TENM4: variants seen among roughly 807,000 people sequenced by gnomAD.
TENM4 encodes the protein teneurin transmembrane protein 4.
A neutral mutation model predicts 243.3 loss-of-function variants in TENM4; 82 were observed. The observed-to-expected ratio is 0.34, with a 90% CI of 0.28 to 0.40. The LOEUF is 0.40. Ranked by LOEUF, TENM4 falls within the 10% of genes least tolerant of loss-of-function variation. The pLI, the probability that TENM4 is intolerant of heterozygous loss-of-function variation, is 1.00. For synonymous variants in TENM4, 1,412 were observed against 1,456.3 expected (o/e 0.97, Z 0.69); for missense variants, 3,138 against 3,673.3 (o/e 0.85, Z 3.77).
intron 6 of TENM4, among the ~76,000 whole-genome samples, chr11:78,982,314 C>G (rs182406276): frequency 9.4e-4 from 143 of 152,282 alleles, no homozygotes; most frequent in Non-Finnish European, 1.3e-3. Flanking sequence ...GCTTGGAGGC[C>G]TTGTCCCACA....
At chr11:78,996,600 G>A (rs1399290614) in intron 6 of TENM4, among the ~76,000 whole-genome samples, 1 of 152,158 alleles carries the variant, frequency 6.6e-6, no homozygotes, top group Non-Finnish European at 1.5e-5. Context: ...GGGATAGGAA[G>A]GTTTGCTCTC....
At chr11:79,416,877 C>A (rs1425801587) in intron 1 of TENM4, among the ~76,000 whole-genome samples, 11 of 145,454 alleles carry the variant, frequency 7.6e-5, no homozygotes, top group Non-Finnish European at 7.6e-5. Flanking sequence ...CAGACAATGG[C>A]AAAAAAAAAA....
intron 4 of TENM4, among the ~76,000 whole-genome samples, chr11:79,078,567 G>A (rs949115343): frequency 6.6e-6 from 1 of 152,166 alleles, no homozygotes; most frequent in African/African-American, 2.4e-5. Flanking sequence ...GAGTAGCAAA[G>A]TGATGCTCAA....
At chr11:78,667,833 T>A (rs751008434) in intron 32 of TENM4, among the ~76,000 whole-genome samples, 6 of 152,212 alleles carry the variant, frequency 3.9e-5, no homozygotes, top group Non-Finnish European at 5.9e-5. Context: ...CAAGGTGGGA[T>A]GTGCCCAATT....
At position 79,212,056 on chromosome 11, in the gene TENM4, C is replaced by T. The variant is rs553036182; in HGVS notation, c.-163+3752G>A. ...ATGTGGACATTTAGTGCCCCAGCACCGTTTCCTAAACAGACGACTCAGTCT... is the reference window on the plus strand; with the variant it reads ...ATGTGGACATTTAGTGCCCCAGCACTGTTTCCTAAACAGACGACTCAGTCT... On this transcript the variant is annotated intron_variant, in intron 3 of 33. Coordinates refer to ENST00000278550, the MANE Select transcript of TENM4 (RefSeq NM_001098816.3). 2.6e-5 allele frequency among the ~76,000 whole-genome samples: 4 copies of T among 152,274 alleles called. 1 individual carries two copies. The South Asian group carries it at 6.2e-4, about 24-fold the overall frequency.
At chr11:79,011,208 C>T (rs768822501) in intron 6 of TENM4, among the ~76,000 whole-genome samples, 8 of 152,272 alleles carry the variant, frequency 5.3e-5, no homozygotes, top group Middle Eastern at 3.4e-3. Flanking sequence ...CCCCACCCTC[C>T]CAAGAGGGTG....
intron 2 of TENM4, among the ~76,000 whole-genome samples, chr11:79,225,731 G>A (rs921944792): frequency 1.3e-5 from 2 of 152,032 alleles, no homozygotes; most frequent in African/African-American, 2.4e-5. Flanking sequence ...CACCTGTCTC[G>A]GCCTCCCTCC....
intron 3 of TENM4, among the ~76,000 whole-genome samples, chr11:79,189,410 C>T (rs867956742): frequency 3.9e-5 from 6 of 152,158 alleles, no homozygotes; most frequent in African/African-American, 1.2e-4. Flanking sequence ...GTCTGTTTCT[C>T]GAGTGAAGGA....
intron 6 of TENM4, among the ~76,000 whole-genome samples, chr11:78,949,924 A>C (rs1857078802): frequency 6.6e-6 from 1 of 151,960 alleles, no homozygotes; most frequent in Non-Finnish European, 1.5e-5. Flanking sequence ...CCTCCTCTGA[A>C]GTCCTTTGTC....
At chr11:79,397,402 C>T (rs1858367611) in intron 1 of TENM4, among the ~76,000 whole-genome samples, 1 of 152,154 alleles carries the variant, frequency 6.6e-6, no homozygotes, top group Admixed American at 6.5e-5. Context: ...GATTCTAACC[C>T]AGTTCTGAGT....
At chr11:78,745,617 C>T (rs1288969003) in intron 19 of TENM4, among the ~76,000 whole-genome samples, 2 of 152,218 alleles carry the variant, frequency 1.3e-5, no homozygotes, top group East Asian at 3.9e-4. Context: ...AACACAGAGA[C>T]CAAAGGAACA....
chr11:78,712,159 C>T (rs11821016), intron 26 of TENM4, among the ~76,000 whole-genome samples: 2,585 of 152,128 alleles, frequency 0.017, 69 homozygotes, highest in African/African-American at 0.059. Context: ...AAAATGAGTA[C>T]ACAGAAACAA....
At chr11:79,245,561 T>C (rs543447033) in intron 2 of TENM4, among the ~76,000 whole-genome samples, 1 of 152,230 alleles carries the variant, frequency 6.6e-6, no homozygotes, top group Admixed American at 6.5e-5. Flanking sequence ...ACCAACATTG[T>C]GGCATTTTGA....
chr11:79,343,215 C>T (rs1857270760), intron 1 of TENM4, among the ~76,000 whole-genome samples: 1 of 152,250 alleles, frequency 6.6e-6, no homozygotes, highest in Non-Finnish European at 1.5e-5. Flanking sequence ...GCACTCTGTG[C>T]CCAGCATGGG....
chr11:79,172,693 CTCTA>C lies in TENM4; in HGVS notation c.-162-23891_-162-23888del, dbSNP rs1863072440. On this transcript the variant is annotated intron_variant, in intron 3 of 33. Coordinates refer to ENST00000278550, the MANE Select transcript of TENM4 (RefSeq NM_001098816.3). Reference sequence around the variant, plus strand: ...TTTTTTTTTTTTTTTGAGTCAGGGTCTCTATCTGTCACCCAGGCTGGAGTGTTGT... The same window carrying C: ...TTTTTTTTTTTTTTTGAGTCAGGGTCTCTGTCACCCAGGCTGGAGTGTTGT... Among the ~76,000 whole-genome samples, 6 of 138,700 alleles carry C rather than the reference CTCTA, an allele frequency of 4.3e-5. No homozygotes were observed. In the South Asian group the frequency reaches 1.4e-3, roughly 31 times the overall value. The allele number at this position is 138,700 out of a possible 152,430, so 91.0% of individuals were successfully genotyped here. A position where few individuals can be genotyped will look rare whatever the true frequency, so the allele number is the denominator to read the frequency against.
intron 6 of TENM4, among the ~76,000 whole-genome samples, chr11:78,913,943 G>C (rs76180820): frequency 8.5e-5 from 13 of 152,290 alleles, no homozygotes; most frequent in Non-Finnish European, 1.6e-4. Context: ...TGTTAGCCTG[G>C]AGAGGAGAAG....
intron 2 of TENM4, among the ~76,000 whole-genome samples, chr11:79,226,681 T>C (rs2135250819): frequency 1.3e-5 from 2 of 152,314 alleles, no homozygotes; most frequent in South Asian, 4.1e-4. Flanking sequence ...ACAGCAATGA[T>C]ACTCCTGAGC....
intron 4 of TENM4, among the ~76,000 whole-genome samples, chr11:79,139,759 ATAT>A (rs1862239764): frequency 2.6e-5 from 1 of 39,180 alleles, no homozygotes; most frequent in Non-Finnish European, 6.2e-5. Context: ...AATATATATT[ATAT>A]TTATATAAAT....
intron 2 of TENM4, among the ~76,000 whole-genome samples, chr11:79,222,682 T>C (rs1024230180): frequency 6.6e-6 from 1 of 152,228 alleles, no homozygotes; most frequent in Non-Finnish European, 1.5e-5. Context: ...TTCTTGACAT[T>C]TTAATAACTG....
Sources: gnomAD v4.1 joint callset for allele counts (sites outside exome capture counted in the v4.1 genomes callset) on GRCh38, gnomAD v4.1.1 for gene constraint, MANE v1.5 for transcripts, NCBI Gene and HGNC (gene_info 2026-07-23, HGNC 2026-07-21) for gene names.